The following NHERF2 variants were observed in gnomAD, a reference collection of about 807,000 sequenced individuals.
The protein encoded by NHERF2 is Na(+)/H(+) exchange regulatory cofactor NHE-RF2.
At chr16:2,034,216 C>T in the NHERF2 span, among the ~76,000 whole-genome samples, 1 of 152,180 alleles carries the variant, frequency 6.6e-6, no homozygotes, top group African/African-American at 2.4e-5. Context: ...GTGTGGACGT[C>T]TTGTGTCTGT....
the NHERF2 span, chr16:2,036,558 G>T: frequency 1.3e-6 from 2 of 1,537,224 alleles, no homozygotes; most frequent in South Asian, 2.4e-5. Flanking sequence ...GTCCACACTG[G>T]GGCCCTGGGT....
chr16:2,037,714 G>GAGCCCC, the NHERF2 span: 3 of 1,553,140 alleles, frequency 1.9e-6, no homozygotes, highest in Non-Finnish European at 2.6e-6. Flanking sequence ...AAGTCCTCGT[G>GAGCCCC]AGCCCCAGCC....
chr16:2,031,511 G>A, the NHERF2 span, among the ~76,000 whole-genome samples: 1 of 152,202 alleles, frequency 6.6e-6, no homozygotes, highest in South Asian at 2.1e-4. Context: ...CAGTGGCCCA[G>A]GCACCTTGCC....
the NHERF2 span, chr16:2,035,946 G>A: frequency 4.5e-6 from 1 of 222,344 alleles, no homozygotes; most frequent in Non-Finnish European, 8.7e-6. Flanking sequence ...AGAGCCCGGG[G>A]CAGGGGGACG....
chr16:2,036,352 G>A, the NHERF2 span: 624 of 1,610,592 alleles, frequency 3.9e-4, 2 homozygotes, highest in East Asian at 5.0e-3. Flanking sequence ...AGGGAGCTGC[G>A]CCCTCGGCTC....
the NHERF2 span, chr16:2,036,523 G>T: frequency 1.9e-6 from 3 of 1,565,752 alleles, no homozygotes; most frequent in African/African-American, 1.4e-5. Context: ...CACCAGGGCT[G>T]CGGGGTGCCG....
chr16:2,037,782 A>ACTAGGG, the NHERF2 span: 1 of 1,555,180 alleles, frequency 6.4e-7, no homozygotes. Context: ...GGGGTGTGGG[A>ACTAGGG]CTAGGGCTCA....
chr16:2,037,931 C>T, the NHERF2 span: 2 of 1,613,208 alleles, frequency 1.2e-6, no homozygotes, highest in South Asian at 1.1e-5. Flanking sequence ...AGTCAACAAG[C>T]GCGCGCCACA....
chr16:2,033,385 C>G, the NHERF2 span: 2 of 1,533,318 alleles, frequency 1.3e-6, no homozygotes, highest in East Asian at 2.4e-5. Context: ...GCCACCTGCC[C>G]GGGCTCCGGG....
chr16:2,027,855 T>C, the NHERF2 span, among the ~76,000 whole-genome samples: 1 of 152,216 alleles, frequency 6.6e-6, no homozygotes, highest in Non-Finnish European at 1.5e-5. Context: ...GTCTGTACTC[T>C]AGTGTGTCCC....
the NHERF2 span, among the ~76,000 whole-genome samples, chr16:2,030,770 G>A: frequency 6.6e-6 from 1 of 151,924 alleles, no homozygotes; most frequent in Non-Finnish European, 1.5e-5. Context: ...TGAAACCCCC[G>A]TCTCTACTAA....
chr16:2,038,834 A>AGCGGCACCCGGGAAGG, the NHERF2 span: 1 of 155,638 alleles, frequency 6.4e-6, no homozygotes, highest in Non-Finnish European at 1.4e-5. Context: ...GGTGTGTGAG[A>AGCGGCACCCGGGAAGG]GCGGCACCCG....
chr16:2,036,765 A>C, the NHERF2 span: 1 of 1,612,974 alleles, frequency 6.2e-7, no homozygotes, highest in Admixed American at 1.7e-5. Context: ...CGCCATGCTG[A>C]GGTGGTGGCC....
chr16:2,027,303 A>AG, the NHERF2 span: 4 of 764,074 alleles, frequency 5.2e-6, no homozygotes, highest in Non-Finnish European at 7.0e-6. Context: ...CGGGGGCCCG[A>AG]GGGGGCTCCC....
the NHERF2 span, chr16:2,035,627 G>T: frequency 5.1e-6 from 5 of 986,438 alleles, no homozygotes; most frequent in Non-Finnish European, 4.8e-6. Context: ...TGGCTGGGAG[G>T]TGGTCATTGG....
At chr16:2,034,329 C>T in the NHERF2 span, among the ~76,000 whole-genome samples, 1 of 151,066 alleles carries the variant, frequency 6.6e-6, no homozygotes, top group African/African-American at 2.4e-5. Context: ...CCAGGCCAGC[C>T]TGGGGGCCGT....
the NHERF2 span, chr16:2,033,313 G>A: frequency 1.6e-5 from 25 of 1,532,784 alleles, no homozygotes; most frequent in African/African-American, 2.2e-4. Flanking sequence ...AGGCCACCCC[G>A]GCCGGACGCC....
chr16:2,033,345 C>A, the NHERF2 span: 1 of 1,533,176 alleles, frequency 6.5e-7, no homozygotes. Context: ...GTCACTGTGC[C>A]GCTGTCATGG....
the NHERF2 span, chr16:2,029,819 TCTCC>T: frequency 6.6e-7 from 1 of 1,510,804 alleles, no homozygotes; most frequent in South Asian, 1.2e-5. Context: ...CACCCTAGCC[TCTCC>T]CAGAGGCTCT....
Sources: gnomAD v4.1 joint callset for allele counts (sites outside exome capture counted in the v4.1 genomes callset) on GRCh38, gnomAD v4.1.1 for gene constraint, MANE v1.5 for transcripts, NCBI Gene and HGNC (gene_info 2026-07-23, HGNC 2026-07-21) for gene names.